CNTLN: variants seen among roughly 807,000 people sequenced by gnomAD.
The protein encoded by CNTLN is centlein, centrosomal protein.
CNTLN carries 212 observed loss-of-function variants against 180.0 expected under a neutral mutation model. The ratio of observed to expected loss-of-function variants is 1.18; its 90% CI spans 1.05 to 1.32. CNTLN has a LOEUF of 1.32. CNTLN is among the 40% of genes most tolerant of loss of function. The pLI, the probability that CNTLN is intolerant of heterozygous loss-of-function variation, is 0.00. For missense variants in CNTLN, 2,095 were observed against 1,610.9 expected (o/e 1.30, Z -5.14); for synonymous variants, 722 against 563.1 (o/e 1.28, Z -3.99).
chr9:17,376,502 A>C (rs1289536847), intron 13 of CNTLN, among the ~76,000 whole-genome samples: 1 of 148,488 alleles, frequency 6.7e-6, no homozygotes, highest in Non-Finnish European at 1.5e-5. Context: ...CTGAGGCTGG[A>C]GTGCAGTGGC....
At chr9:17,279,356 A>G (rs1183000841) in intron 6 of CNTLN, among the ~76,000 whole-genome samples, 1 of 151,982 alleles carries the variant, frequency 6.6e-6, no homozygotes, top group Non-Finnish European at 1.5e-5. Context: ...TCATGAGCCC[A>G]TTTTTACCAG....
chr9:17,360,704 C>G (rs1823305608), intron 12 of CNTLN, among the ~76,000 whole-genome samples: 1 of 152,038 alleles, frequency 6.6e-6, no homozygotes. Context: ...TCTTTAGTTT[C>G]AACTATTTTG....
chr9:17,437,115 T>C (rs140203587), intron 18 of CNTLN, among the ~76,000 whole-genome samples: 12 of 152,342 alleles, frequency 7.9e-5, no homozygotes, highest in Admixed American at 1.3e-4. Context: ...ACTCGGATCA[T>C]GTTCGCAAGG....
intron 8 of CNTLN, among the ~76,000 whole-genome samples, chr9:17,313,909 G>A (rs1819374160): frequency 6.6e-6 from 1 of 152,018 alleles, no homozygotes; most frequent in Non-Finnish European, 1.5e-5. Context: ...TGATTCACCT[G>A]CCTCAGCCTT....
intron 10 of CNTLN, among the ~76,000 whole-genome samples, chr9:17,335,640 T>G (rs1820962991): frequency 6.6e-6 from 1 of 152,124 alleles, no homozygotes; most frequent in South Asian, 2.1e-4. Context: ...TACTTGTTCG[T>G]ACACAGAAAG....
intron 13 of CNTLN, among the ~76,000 whole-genome samples, chr9:17,378,730 C>T (rs369599165): frequency 1.3e-5 from 2 of 152,144 alleles, no homozygotes; most frequent in African/African-American, 4.8e-5. Flanking sequence ...CCACCAACTA[C>T]AGAGTGTTTT....
intron 13 of CNTLN, 75 bp from the exon 14 acceptor site, chr9:17,388,087 C>A (rs1374523277): frequency 1.1e-6 from 1 of 907,214 alleles, no homozygotes; most frequent in South Asian, 2.5e-5. Flanking sequence ...ACCATAGAAC[C>A]CTTTTTCTTA....
intron 6 of CNTLN, among the ~76,000 whole-genome samples, chr9:17,292,459 C>A (rs1237434569): frequency 6.6e-6 from 1 of 152,156 alleles, no homozygotes; most frequent in Admixed American, 6.6e-5. Context: ...TAGGTTCGGT[C>A]TTTTTACATA....
At chr9:17,135,506 C>G in intron 1 of CNTLN, 81 bp downstream of exon 1, 2 of 1,475,260 alleles carry the variant, frequency 1.4e-6, no homozygotes, top group Non-Finnish European at 1.8e-6. Context: ...TCTCCCTCTG[C>G]CTTGGGACCT....
intron 2 of CNTLN, among the ~76,000 whole-genome samples, chr9:17,207,634 C>T (rs764608319): frequency 2.0e-5 from 3 of 152,052 alleles, no homozygotes; most frequent in East Asian, 1.9e-4. Flanking sequence ...GAAACGGTAC[C>T]CCACCCTGCT....
intron 13 of CNTLN, among the ~76,000 whole-genome samples, chr9:17,366,967 G>A (rs1041812661): frequency 1.3e-5 from 2 of 152,082 alleles, no homozygotes; most frequent in African/African-American, 2.4e-5. Flanking sequence ...AAGACTTTAT[G>A]CTGTGGGAAC....
chr9:17,523,611 G>A, the CNTLN span, among the ~76,000 whole-genome samples: 1 of 152,142 alleles, frequency 6.6e-6, no homozygotes, highest in South Asian at 2.1e-4. Context: ...TTTTCACAGT[G>A]GAAAAATGAA....
intron 8 of CNTLN, among the ~76,000 whole-genome samples, chr9:17,329,689 G>A (rs1327476909): frequency 6.6e-6 from 1 of 151,772 alleles, no homozygotes; most frequent in Non-Finnish European, 1.5e-5. Context: ...ATTGGAAAAG[G>A]ATGATGTTTC....
At chr9:17,495,728 A>G (rs564475726) in intron 25 of CNTLN, among the ~76,000 whole-genome samples, 2 of 152,088 alleles carry the variant, frequency 1.3e-5, no homozygotes, top group African/African-American at 2.4e-5. Context: ...CTTCACATTT[A>G]CTCACCGCTC....
intron 2 of CNTLN, among the ~76,000 whole-genome samples, chr9:17,205,431 T>C (rs1822847203): frequency 6.6e-6 from 1 of 152,184 alleles, no homozygotes; most frequent in Admixed American, 6.5e-5. Flanking sequence ...ACTGGAAGAT[T>C]CACCACCAGA....
intron 15 of CNTLN, among the ~76,000 whole-genome samples, chr9:17,397,743 G>T (rs1390674188): frequency 1.3e-5 from 2 of 152,132 alleles, no homozygotes; most frequent in Non-Finnish European, 2.9e-5. Context: ...TGACATTAGT[G>T]CATGTGCACA....
At chr9:17,407,032 A>G (rs1827447560) in intron 15 of CNTLN, among the ~76,000 whole-genome samples, 1 of 149,764 alleles carries the variant, frequency 6.7e-6, no homozygotes, top group South Asian at 2.1e-4. Context: ...ACATAAAAAG[A>G]GGTAAACAAT....
chr9:17,467,249 C>T lies in CNTLN; in HGVS notation c.3855+358C>T, dbSNP rs574210288. Among the ~76,000 whole-genome samples the T allele has an allele frequency of 3.3e-5, 5 of 151,562 alleles. No individual in the cohort carries two copies. The East Asian group carries it at 9.7e-4, about 29-fold the overall frequency. On this transcript the variant is annotated intron_variant, in intron 23 of 25. Transcript: ENST00000380647. ...AACAACCAGAAACTTGCTCAGTGTT[C>T]AGTGATGCTAAGAGACATCTGAATC...
intron 25 of CNTLN, among the ~76,000 whole-genome samples, chr9:17,500,370 A>G (rs1304222122): frequency 6.6e-6 from 1 of 152,214 alleles, no homozygotes; most frequent in Non-Finnish European, 1.5e-5. Flanking sequence ...TCAGATTACA[A>G]GATAATAAGA....
Sources: allele counts gnomAD v4.1 joint callset (sites outside exome capture counted in the v4.1 genomes callset), GRCh38; gene constraint gnomAD v4.1.1; transcripts MANE v1.5; gene names NCBI Gene and HGNC (gene_info 2026-07-23, HGNC 2026-07-21).